The following PDE11A variants were observed in gnomAD, a reference collection of about 807,000 sequenced individuals.
PDE11A encodes the protein phosphodiesterase 11A, also known as dual 3',5'-cyclic-AMP and -GMP phosphodiesterase 11A.
A neutral mutation model predicts 100.5 loss-of-function variants in PDE11A; 100 were observed. The observed-to-expected ratio is 1.00, with a 90% CI of 0.85 to 1.18. The LOEUF (loss-of-function observed/expected upper bound fraction) is 1.18, where lower values mean the gene tolerates loss of function less well. Among genes scored for constraint, PDE11A ranks in the 50% most tolerant of loss-of-function variants. The pLI is 0.00. For missense variants in PDE11A, 1,141 were observed against 1,152.6 expected (o/e 0.99, Z 0.15); for synonymous variants, 381 against 420.8 (o/e 0.91, Z 1.16).
chr2:177,857,725 A>T (rs2083865944), intron 5 of PDE11A, among the ~76,000 whole-genome samples: 1 of 152,080 alleles, frequency 6.6e-6, no homozygotes, highest in Admixed American at 6.6e-5. Flanking sequence ...AAACACTCCA[A>T]TCAAAAGGCA....
At chr2:177,705,204 T>C (rs1277452655) in intron 13 of PDE11A, among the ~76,000 whole-genome samples, 4 of 144,298 alleles carry the variant, frequency 2.8e-5, no homozygotes. Context: ...TATAAAGGTA[T>C]GCTTCTACTT....
At chr2:178,091,272 T>C (rs1444922265) in intron 2 of PDE11A, among the ~76,000 whole-genome samples, 2 of 152,138 alleles carry the variant, frequency 1.3e-5, no homozygotes, top group Non-Finnish European at 2.9e-5. Context: ...GGTTTCACCA[T>C]GTTGACCAGG....
chr2:177,681,170 C>T (rs9679360), intron 15 of PDE11A, among the ~76,000 whole-genome samples: 5,718 of 152,162 alleles, frequency 0.038, 353 homozygotes, highest in African/African-American at 0.13. Context: ...CAATGTGGTG[C>T]GGCATTTAGG....
chr2:177,760,977 T>C (rs2082160203), intron 10 of PDE11A, among the ~76,000 whole-genome samples: 1 of 152,086 alleles, frequency 6.6e-6, no homozygotes, highest in Non-Finnish European at 1.5e-5. Context: ...CTATATAAAA[T>C]AGTAAATACA....
intron 9 of PDE11A, among the ~76,000 whole-genome samples, chr2:177,800,065 C>T (rs975404521): frequency 1.3e-5 from 2 of 151,930 alleles, no homozygotes; most frequent in Non-Finnish European, 2.9e-5. Context: ...AATTGACCTG[C>T]CCTGAGATGC....
intron 2 of PDE11A, among the ~76,000 whole-genome samples, chr2:178,004,153 A>C (rs1322003534): frequency 1.3e-5 from 2 of 152,264 alleles, no homozygotes; most frequent in South Asian, 2.1e-4. Context: ...CAAGAATTTA[A>C]CAGTATTATC....
Position 177,898,274 on chromosome 2 carries a change from C to G in PDE11A, c.1162-76G>C. The G allele has an allele frequency of 8.6e-6, 8 of 929,628 alleles. No homozygotes were observed. The South Asian group carries it at 1.2e-4, about 14-fold the overall frequency. The allele number at this position is 929,628 out of a possible 1,614,324, so 57.6% of individuals were successfully genotyped here. ...GTTGCTTTTCTTCTTAAAATTTAAT[C>G]TTTGCTTCAATAAAATATAGTAAAT... On this transcript the variant is annotated intron_variant, in intron 3 of 19. Transcript: ENST00000286063.
At chr2:177,920,411 G>A (rs1176107407) in intron 2 of PDE11A, among the ~76,000 whole-genome samples, 1 of 151,332 alleles carries the variant, frequency 6.6e-6, no homozygotes, top group Non-Finnish European at 1.5e-5. Flanking sequence ...GCTAAAAGAA[G>A]AACAAAAAGT....
chr2:177,887,576 C>G (rs1188895051), intron 4 of PDE11A, among the ~76,000 whole-genome samples: 1 of 152,068 alleles, frequency 6.6e-6, no homozygotes, highest in East Asian at 1.9e-4. Flanking sequence ...CCAGCTTGGG[C>G]AACTAGTGGA....
intron 9 of PDE11A, among the ~76,000 whole-genome samples, chr2:177,796,134 G>C (rs13389387): frequency 4.6e-5 from 7 of 150,926 alleles, no homozygotes; most frequent in Non-Finnish European, 1.0e-4. Flanking sequence ...CCATAATGAA[G>C]GCAGGTGCTG....
intron 12 of PDE11A, among the ~76,000 whole-genome samples, chr2:177,722,552 T>C (rs758336685): frequency 1.3e-5 from 2 of 152,156 alleles, no homozygotes; most frequent in Admixed American, 6.6e-5. Context: ...GAGTGCCTAA[T>C]TGGGGCTCTG....
chr2:177,731,809 C>G (rs1204865433), intron 10 of PDE11A, among the ~76,000 whole-genome samples: 1 of 152,160 alleles, frequency 6.6e-6, no homozygotes, highest in Non-Finnish European at 1.5e-5. Context: ...TTTCCCATTG[C>G]TAGGTTATTT....
At chr2:178,002,284 C>A (rs748715017) in intron 2 of PDE11A, among the ~76,000 whole-genome samples, 10 of 152,072 alleles carry the variant, frequency 6.6e-5, no homozygotes, top group Non-Finnish European at 1.3e-4. Context: ...TCCATGGTGT[C>A]TATGTATCAC....
intron 5 of PDE11A, among the ~76,000 whole-genome samples, chr2:177,856,909 C>T (rs2083843921): frequency 6.6e-6 from 1 of 151,702 alleles, no homozygotes; most frequent in Admixed American, 6.6e-5. Context: ...GAAAACTTCC[C>T]ATACTTGATT....
chr2:177,789,975 T>C (rs2082604424), intron 9 of PDE11A, among the ~76,000 whole-genome samples: 1 of 151,294 alleles, frequency 6.6e-6, no homozygotes, highest in African/African-American at 2.4e-5. Context: ...CAAGGTAATT[T>C]ATAGATTCAA....
rs187747116 is a variant in PDE11A, at chr2:177,872,182, T to C, written c.1367+3677A>G. Among the ~76,000 whole-genome samples, 324 of 152,318 alleles carry C rather than the reference T, an allele frequency of 2.1e-3. 2 individuals carry two copies. The highest frequency in any genetic ancestry group is 3.9e-3 in the Non-Finnish European group (262 of 68,026). On this transcript the variant is annotated intron_variant, in intron 5 of 19. Coordinates refer to ENST00000286063, the MANE Select transcript of PDE11A (RefSeq NM_016953.4). ...AACTCAGCACAGAGTAGGTACTCAATATATGACTGTTGAAGGAAGGAATAA... is the reference window on the plus strand; with the variant it reads ...AACTCAGCACAGAGTAGGTACTCAACATATGACTGTTGAAGGAAGGAATAA...
chr2:177,787,205 C>T (rs980281949), intron 9 of PDE11A, among the ~76,000 whole-genome samples: 3 of 147,556 alleles, frequency 2.0e-5, no homozygotes, highest in African/African-American at 7.5e-5. Context: ...AGAAACTCTA[C>T]AAGCCAGAAG....
intron 12 of PDE11A, among the ~76,000 whole-genome samples, chr2:177,727,236 T>A (rs1244036116): frequency 1.3e-5 from 2 of 152,048 alleles, no homozygotes; most frequent in African/African-American, 4.8e-5. Context: ...CAAATAAGCA[T>A]CCTCTCAGGA....
intron 2 of PDE11A, among the ~76,000 whole-genome samples, chr2:177,917,172 C>T (rs2084967219): frequency 6.6e-6 from 1 of 151,886 alleles, no homozygotes; most frequent in Admixed American, 6.6e-5. Context: ...GGGCTTCCGC[C>T]TCCAAAACCA....
Sources: allele counts gnomAD v4.1 joint callset (sites outside exome capture counted in the v4.1 genomes callset), GRCh38; gene constraint gnomAD v4.1.1; transcripts MANE v1.5; gene names NCBI Gene and HGNC (gene_info 2026-07-23, HGNC 2026-07-21).